The following PPP4R2 variants were observed in gnomAD, a reference collection of about 807,000 sequenced individuals.
The protein encoded by PPP4R2 is protein phosphatase 4 regulatory subunit 2, also known as serine/threonine-protein phosphatase 4 regulatory subunit 2.
A neutral mutation model predicts 47.2 loss-of-function variants in PPP4R2; 13 were observed. That is an observed-to-expected ratio of 0.28 (90% CI 0.18 to 0.44). The LOEUF (loss-of-function observed/expected upper bound fraction) is 0.44, where lower values mean the gene tolerates loss of function less well. Among genes scored for constraint, PPP4R2 ranks in the 20% least tolerant of loss-of-function variants. PPP4R2 has a pLI of 1.00. For missense variants in PPP4R2, 421 were observed against 491.2 expected (o/e 0.86, Z 1.35); for synonymous variants, 151 against 163.3 (o/e 0.92, Z 0.57).
chr3:73,065,007 C>G lies in PPP4R2; in HGVS notation c.794C>G (p.Ser265Cys). 6.2e-7 allele frequency: 1 copy of G among 1,613,816 alleles called. No homozygotes were observed. The highest frequency in any genetic ancestry group is 8.5e-7 in the Non-Finnish European group (1 of 1,179,830). The change falls in exon 8 of 9, where the codon TCC (serine) becomes TGC (cysteine). Residue 265 changes from serine (S) to cysteine (C), a missense_variant. Physicochemically the swap from Ser to Cys is moderately radical, Grantham distance 112 (BLOSUM62 -1). Around this residue, in one of 2 missense-constraint regions of PPP4R2, gnomAD observed 317 missense variants for 287.5 expected, o/e 1.10. Coordinates refer to ENST00000356692, the MANE Select transcript of PPP4R2 (RefSeq NM_174907.4). ...AGAGAAACAGCCAGTCAAACGACTTCCAGCGAAATTTCTTCAGTTATGGTA... is the reference window on the plus strand; with the variant it reads ...AGAGAAACAGCCAGTCAAACGACTTGCAGCGAAATTTCTTCAGTTATGGTA... ...EVRETASQTT[S>C]SEISSVMVGE... is the part of the protein sequence containing the mutation.
At position 73,064,016 on chromosome 3, in the gene PPP4R2, G is replaced by T. The variant is rs369697199; in HGVS notation, c.508G>T (p.Gly170Trp). 10 of 1,594,780 alleles carry T rather than the reference G, an allele frequency of 6.3e-6. No individual in the cohort carries two copies. In the African/African-American group the frequency reaches 8.2e-5, roughly 13 times the overall value. The change falls in exon 7 of 9, where the codon GGG becomes TGG. Residue 170 changes from glycine (G) to tryptophan (W), a missense_variant. Transcript: ENST00000356692. ...PSYTERSNIN[G>W]PGTPRPLNRP... is the part of the protein sequence containing the mutation. ...ATCTTATTATAGGTCTAATATAAAT[G>T]GGCCTGGGACACCCAGGCCACTTAA...
intron 2 of PPP4R2, among the ~76,000 whole-genome samples, chr3:73,022,513 T>A (rs1701980726): frequency 6.6e-6 from 1 of 152,180 alleles, no homozygotes; most frequent in South Asian, 2.1e-4. Context: ...AGAGCTTGGT[T>A]AGATTAGATG....
At chr3:73,051,053 T>A (rs2107318122) in intron 3 of PPP4R2, among the ~76,000 whole-genome samples, 1 of 152,312 alleles carries the variant, frequency 6.6e-6, no homozygotes, top group South Asian at 2.1e-4. Context: ...TAGCCGCGTT[T>A]ACTGGCATGC....
rs1701778574 is a variant in PPP4R2, at chr3:73,014,128, A to G, written c.116+15970A>G. On this transcript the variant is annotated intron_variant, in intron 2 of 8. Transcript: ENST00000356692. ...ATACTGGCACAGATGTAAGAGTGGG[A>G]TTTATGGGTTCATGATTATGTACGT... is the stretch of plus-strand genomic sequence containing the variant. 1.5e-5 allele frequency among the ~76,000 whole-genome samples: 2 copies of G among 129,640 alleles called. 1 individual carries two copies. The highest frequency in any genetic ancestry group is 5.4e-5 in the African/African-American group (2 of 37,174). 85.0% of individuals were successfully genotyped at this position (129,640 alleles called of 152,430 possible).
chr3:73,018,120 A>G (rs757507325), intron 2 of PPP4R2, among the ~76,000 whole-genome samples: 20 of 152,002 alleles, frequency 1.3e-4, no homozygotes, highest in Non-Finnish European at 2.4e-4. Flanking sequence ...CCTAGTTAAT[A>G]TATTTCTTAT....
intron 1 of PPP4R2, chr3:72,997,464 G>A (rs1701374208): frequency 4.7e-6 from 1 of 211,666 alleles, no homozygotes; most frequent in African/African-American, 2.3e-5. Context: ...TGGGGGCGGG[G>A]GTAGGGGGTA....
chr3:73,067,911 A>G lies in PPP4R2; in HGVS notation c.*2189A>G, dbSNP rs940832268. On this transcript the variant is annotated 3_prime_UTR_variant, in exon 9 of 9. Transcript: ENST00000356692. ...CTATGAGAGATCTGCATTTTAATCT[A>G]TAGTTTAATAGTTTTAATATTTATT... The G allele has an allele frequency of 6.6e-5, 10 of 152,216 alleles. No homozygotes were observed. The highest frequency in any genetic ancestry group is 5.8e-4 in the East Asian group (3 of 5,194). 9.4% of individuals were successfully genotyped at this position (152,216 alleles called of 1,614,324 possible). A position where few individuals can be genotyped will look rare whatever the true frequency, so the allele number is the denominator to read the frequency against.
Position 73,026,025 on chromosome 3 carries a change from T to G in PPP4R2, c.117-21161T>G, listed in dbSNP as rs538442849. On this transcript the variant is annotated intron_variant, in intron 2 of 8. Coordinates refer to ENST00000356692, the MANE Select transcript of PPP4R2 (RefSeq NM_174907.4). ...TTTTATAGGTTTCCTAACTTGATTT[T>G]GCTTGCCCTTTCTAGTCTTGTCTAA... Among the ~76,000 whole-genome samples the G allele has an allele frequency of 2.0e-5, 3 of 152,318 alleles. No individual in the cohort carries two copies. In the South Asian group the frequency reaches 6.2e-4, roughly 32 times the overall value.
intron 2 of PPP4R2, among the ~76,000 whole-genome samples, chr3:73,010,562 CTCTTT>C (rs1701702349): frequency 9.0e-6 from 1 of 110,730 alleles, no homozygotes. Flanking sequence ...CTCTCTCGCT[CTCTTT>C]TTTTTTTTTA....
At chr3:73,013,261 C>G (rs921229515) in intron 2 of PPP4R2, among the ~76,000 whole-genome samples, 1 of 152,088 alleles carries the variant, frequency 6.6e-6, no homozygotes, top group African/African-American at 2.4e-5. Flanking sequence ...TTAAAAGTAG[C>G]TTTAAAAACT....
At chr3:73,048,693 G>A (rs116830550) in intron 3 of PPP4R2, among the ~76,000 whole-genome samples, 2,353 of 152,348 alleles carry the variant, frequency 0.015, 71 homozygotes, top group African/African-American at 0.054. Flanking sequence ...TTTCTAACCA[G>A]TGAATTCATA....
intron 2 of PPP4R2, among the ~76,000 whole-genome samples, chr3:73,036,445 C>T (rs999426347): frequency 2.6e-5 from 4 of 152,138 alleles, no homozygotes; most frequent in African/African-American, 7.2e-5. Context: ...GCCCAAATAT[C>T]GATTTGACCA....
At chr3:73,055,895 CG>C (rs1702723307) in intron 3 of PPP4R2, among the ~76,000 whole-genome samples, 1 of 152,040 alleles carries the variant, frequency 6.6e-6, no homozygotes, top group Non-Finnish European at 1.5e-5. Context: ...CGTGAGCCAC[CG>C]TGCCTGGCCC....
intron 2 of PPP4R2, among the ~76,000 whole-genome samples, chr3:73,001,076 C>A (rs1040851036): frequency 6.6e-6 from 1 of 151,956 alleles, no homozygotes; most frequent in African/African-American, 2.4e-5. Context: ...TCATTTCCTG[C>A]CCCAGATGTG....
intron 3 of PPP4R2, among the ~76,000 whole-genome samples, chr3:73,055,331 T>TAGAA (rs1702708606): frequency 6.6e-6 from 1 of 152,050 alleles, no homozygotes; most frequent in Admixed American, 6.6e-5. Flanking sequence ...AGTGTACTTG[T>TAGAA]AGAACCCTTG....
chr3:73,057,788 A>G (rs1486123830), intron 3 of PPP4R2, among the ~76,000 whole-genome samples: 3 of 152,098 alleles, frequency 2.0e-5, no homozygotes, highest in Admixed American at 1.3e-4. Flanking sequence ...TGGAAAGGAC[A>G]TGAGATTTGA....
chr3:73,062,299 T>C, intron 5 of PPP4R2: 1 of 1,607,678 alleles, frequency 6.2e-7, no homozygotes, highest in East Asian at 2.2e-5. Context: ...CTCCCTGACC[T>C]TCAAGGAAGA....
In PPP4R2 at chr3:73,028,940, G is replaced by A. The variant is rs144673033; in HGVS notation, c.117-18246G>A. Among the ~76,000 whole-genome samples the A allele has an allele frequency of 4.3e-3, 660 of 152,216 alleles. 3 individuals carry two copies. Among genetic ancestry groups the A allele is most frequent in the African/African-American group, 0.015 (625 of 41,540 alleles). ...TGGCCTTTGAGTGAAATCCAGAGCC[G>A]TCGCAGTTTTTTGTTGTTGTTTTTT... On this transcript the variant is annotated intron_variant, in intron 2 of 8. Transcript: ENST00000356692.
At chr3:73,011,432 G>A (rs1322360103) in intron 2 of PPP4R2, among the ~76,000 whole-genome samples, 1 of 152,166 alleles carries the variant, frequency 6.6e-6, no homozygotes, top group Non-Finnish European at 1.5e-5. Flanking sequence ...AGTGAGCCAA[G>A]ATTGCACCAC....
Sources: gnomAD v4.1 joint callset for allele counts (sites outside exome capture counted in the v4.1 genomes callset) on GRCh38, gnomAD v4.1.1 for gene constraint, gnomAD v4.1.1 regional missense constraint, MANE v1.5 for transcripts, NCBI Gene and HGNC (gene_info 2026-07-23, HGNC 2026-07-21) for gene names.